The following CTNNA2 variants were observed in gnomAD, a reference collection of about 807,000 sequenced individuals.
The protein encoded by CTNNA2 is catenin alpha-2.
CTNNA2 carries 42 observed loss-of-function variants against 101.0 expected under a neutral mutation model. That is an observed-to-expected ratio of 0.42 (90% CI 0.32 to 0.54). The LOEUF is 0.54. Ranked by LOEUF, CTNNA2 falls within the 20% of genes least tolerant of loss-of-function variation. The probability of loss-of-function intolerance (pLI) is 0.14; values close to 1 mark genes in which losing one functional copy is unlikely to be tolerated. For missense variants in CTNNA2, 871 were observed against 1,223.1 expected, an observed-to-expected ratio of 0.71 and a Z score of 4.29; for synonymous variants, 450 against 456.4, an observed-to-expected ratio of 0.99 and a Z score of 0.18.
intron 2 of CTNNA2, among the ~76,000 whole-genome samples, chr2:79,723,993 T>A (rs996648825): frequency 6.6e-6 from 1 of 152,170 alleles, no homozygotes. Context: ...TGACTCATCA[T>A]GACTTCAGCA....
chr2:79,742,716 A>G (rs1671375826), intron 2 of CTNNA2, among the ~76,000 whole-genome samples: 1 of 152,150 alleles, frequency 6.6e-6, no homozygotes, highest in Admixed American at 6.5e-5. Flanking sequence ...TACACATTTT[A>G]CAGCTAAACC....
chr2:80,201,627 G>A (rs528068759), intron 7 of CTNNA2, among the ~76,000 whole-genome samples: 3 of 151,746 alleles, frequency 2.0e-5, no homozygotes, highest in East Asian at 3.9e-4. Context: ...CGCCTGCCTC[G>A]GCCTCCCAAA....
chr2:80,479,749 G>C (rs919527786), intron 9 of CTNNA2, among the ~76,000 whole-genome samples: 1 of 152,058 alleles, frequency 6.6e-6, no homozygotes, highest in South Asian at 2.1e-4. Context: ...CACTAGAAAG[G>C]GATGTCCTCT....
chr2:80,018,140 A>G (rs542799408), intron 7 of CTNNA2, among the ~76,000 whole-genome samples: 1 of 152,216 alleles, frequency 6.6e-6, no homozygotes, highest in Non-Finnish European at 1.5e-5. Flanking sequence ...TCGGCTTCAT[A>G]AATTAAGAAA....
At chr2:79,878,432 A>G (rs1683184338) in intron 6 of CTNNA2, among the ~76,000 whole-genome samples, 1 of 152,218 alleles carries the variant, frequency 6.6e-6, no homozygotes, top group South Asian at 2.1e-4. Flanking sequence ...CATTCCCACC[A>G]ACAGTGTAAA....
intron 4 of CTNNA2, chr2:79,499,011 C>T (rs1573194358): frequency 6.6e-6 from 1 of 152,224 alleles, no homozygotes; most frequent in Non-Finnish European, 1.5e-5. Flanking sequence ...TAATCCAACA[C>T]AATCTGACAT....
At chr2:79,510,060 C>G (rs1671502146), upstream of CTNNA2, among the ~76,000 whole-genome samples, 1 of 152,038 alleles carries the variant, frequency 6.6e-6, no homozygotes, top group Non-Finnish European at 1.5e-5. Context: ...CTTAAGATGC[C>G]AATATTGGCT....
At chr2:79,364,961 T>C (rs1677711379) in intron 3 of CTNNA2, among the ~76,000 whole-genome samples, 1 of 152,220 alleles carries the variant, frequency 6.6e-6, no homozygotes, top group Non-Finnish European at 1.5e-5. Context: ...ATTTATATTT[T>C]AGCATTCCTT....
chr2:79,260,529 G>A (rs1674907103), intron 2 of CTNNA2, among the ~76,000 whole-genome samples: 1 of 152,176 alleles, frequency 6.6e-6, no homozygotes, highest in Non-Finnish European at 1.5e-5. Context: ...CTAGAAGTAC[G>A]ATGACATTTA....
At chr2:80,165,324 C>G (rs1474843314) in intron 7 of CTNNA2, among the ~76,000 whole-genome samples, 2 of 151,404 alleles carry the variant, frequency 1.3e-5, no homozygotes, top group Non-Finnish European at 2.9e-5. Flanking sequence ...TTCCAGTTCA[C>G]CAATTCTTTC....
chr2:79,606,424 C>T (rs910526466), intron 1 of CTNNA2, among the ~76,000 whole-genome samples: 4 of 152,168 alleles, frequency 2.6e-5, no homozygotes, highest in South Asian at 2.1e-4. Context: ...CCCGCCAGCA[C>T]GCCTGGCTAA....
chr2:79,840,190 G>T (rs910105191), intron 3 of CTNNA2, among the ~76,000 whole-genome samples: 1 of 152,128 alleles, frequency 6.6e-6, no homozygotes, highest in African/African-American at 2.4e-5. Context: ...GAGACAACAA[G>T]TTTCTTTACC....
intron 2 of CTNNA2, among the ~76,000 whole-genome samples, chr2:79,674,236 T>C (rs575947397): frequency 6.6e-5 from 10 of 152,320 alleles, no homozygotes; most frequent in African/African-American, 2.4e-4. Flanking sequence ...GGCCCTATTT[T>C]AGAGAAAGCT....
intron 1 of CTNNA2, among the ~76,000 whole-genome samples, chr2:79,623,357 G>A (rs142421210): frequency 2.3e-3 from 343 of 152,224 alleles, no homozygotes; most frequent in African/African-American, 7.7e-3. Flanking sequence ...TACTTACAAA[G>A]GCAAGTAGCC....
chr2:79,838,843 A>G (rs1372575707), intron 3 of CTNNA2, among the ~76,000 whole-genome samples: 1 of 152,098 alleles, frequency 6.6e-6, no homozygotes, highest in Admixed American at 6.5e-5. Flanking sequence ...TATTATGTAT[A>G]AGATAAATGA....
At chr2:80,535,448 T>G (rs1462932947) in intron 9 of CTNNA2, among the ~76,000 whole-genome samples, 2 of 152,132 alleles carry the variant, frequency 1.3e-5, no homozygotes, top group Admixed American at 6.5e-5. Flanking sequence ...TAATCTCTTA[T>G]TGCAACATTG....
At chr2:79,621,662 T>C (rs1414963160) in intron 1 of CTNNA2, among the ~76,000 whole-genome samples, 1 of 152,250 alleles carries the variant, frequency 6.6e-6, no homozygotes, top group Admixed American at 6.5e-5. Context: ...ATTATTTATG[T>C]AGCATAACTC....
chr2:79,601,031 T>C (rs1369018406), intron 1 of CTNNA2, among the ~76,000 whole-genome samples: 1 of 152,142 alleles, frequency 6.6e-6, no homozygotes, highest in Non-Finnish European at 1.5e-5. Context: ...TTCGTAACAG[T>C]GTGTATGTAT....
chr2:79,375,823 A>G (rs897908502), intron 4 of CTNNA2, among the ~76,000 whole-genome samples: 2 of 152,172 alleles, frequency 1.3e-5, no homozygotes, highest in Admixed American at 1.3e-4. Flanking sequence ...AAGAGGCTGA[A>G]CTACAGGCCA....
Sources: allele counts gnomAD v4.1 joint callset (sites outside exome capture counted in the v4.1 genomes callset), GRCh38; gene constraint gnomAD v4.1.1; transcripts MANE v1.5; gene names NCBI Gene and HGNC (gene_info 2026-07-23, HGNC 2026-07-21).